Variants in ATP13A5 observed in about 807,000 individuals in gnomAD.
ATP13A5 encodes the protein ATPase 13A5.
ATP13A5 carries 149 observed loss-of-function variants against 150.2 expected under a neutral mutation model. That is an observed-to-expected ratio of 0.99 (90% CI 0.87 to 1.14). The LOEUF is 1.14. Ranked by LOEUF, ATP13A5 falls within the 50% of genes most tolerant of loss-of-function variation. The pLI, the probability that ATP13A5 is intolerant of heterozygous loss-of-function variation, is 0.00. For missense variants in ATP13A5, 1,383 were observed against 1,449.3 expected (o/e 0.95, Z 0.74); for synonymous variants, 497 against 522.2 (o/e 0.95, Z 0.66).
intron 21 of ATP13A5, among the ~76,000 whole-genome samples, chr3:193,307,633 T>C (rs887514405): frequency 2.6e-5 from 4 of 152,204 alleles, no homozygotes; most frequent in African/African-American, 9.6e-5. Context: ...GATTGCACAC[T>C]TTAAAAGAAG....
intron 11 of ATP13A5, among the ~76,000 whole-genome samples, chr3:193,331,610 C>T (rs977977526): frequency 6.6e-6 from 1 of 152,126 alleles, no homozygotes; most frequent in Non-Finnish European, 1.5e-5. Flanking sequence ...AGATACAGAG[C>T]CTAGCATGGG....
At chr3:193,304,792 G>T (rs1473874878) in intron 23 of ATP13A5, among the ~76,000 whole-genome samples, 2 of 152,156 alleles carry the variant, frequency 1.3e-5, no homozygotes, top group African/African-American at 4.8e-5. Flanking sequence ...CTGAGACAGG[G>T]TAATTTGTAA....
intron 12 of ATP13A5, among the ~76,000 whole-genome samples, chr3:193,328,986 C>T (rs1475267197): frequency 6.6e-6 from 1 of 152,178 alleles, no homozygotes; most frequent in Non-Finnish European, 1.5e-5. Context: ...GTGGCTCACG[C>T]CTGTAATCCC....
chr3:193,313,807 G>A, intron 19 of ATP13A5: 1 of 465,090 alleles, frequency 2.2e-6, no homozygotes, highest in Non-Finnish European at 3.8e-6. Flanking sequence ...CTACCCCAGG[G>A]GTTCTGATTT....
rs113072557 is a variant in ATP13A5 at position 193,363,960 on chromosome 3, T to C, written c.237+147A>G. ...ATGGATTGCAGAGGTAATTTTGCCG[T>C]ATTTTCTCCTGTTTTGATCTATGGA... On this transcript the variant is annotated intron_variant, in intron 2 of 29. Coordinates refer to ENST00000342358, the MANE Select transcript of ATP13A5 (RefSeq NM_198505.4). 34 of 864,166 alleles carry C rather than the reference T, an allele frequency of 3.9e-5. No individual in the cohort carries two copies. The Admixed American group carries it at 7.7e-4, about 20-fold the overall frequency. 53.5% of individuals were successfully genotyped at this position (864,166 alleles called of 1,614,324 possible). A position where few individuals can be genotyped will look rare whatever the true frequency, so the allele number is the denominator to read the frequency against.
intron 26 of ATP13A5, among the ~76,000 whole-genome samples, chr3:193,287,951 T>G (rs1285431428): frequency 6.6e-6 from 1 of 152,142 alleles, no homozygotes; most frequent in African/African-American, 2.4e-5. Flanking sequence ...TGATTCAACC[T>G]TCTTGAATGA....
intron 1 of ATP13A5, 105 bp from the exon 2 acceptor site, chr3:193,364,385 G>T: frequency 2.2e-6 from 3 of 1,390,308 alleles, no homozygotes; most frequent in Non-Finnish European, 3.0e-6. Context: ...TTGGCTGGGA[G>T]ACAAATCTGG....
At chr3:193,354,241 T>A (rs1159736334) in intron 5 of ATP13A5, 45 bp from the exon 6 acceptor site, 1 of 1,554,646 alleles carries the variant, frequency 6.4e-7, no homozygotes. Context: ...TACAAGCACA[T>A]GATAAGTGAC....
At chr3:193,376,269 G>T (rs986082122) in intron 1 of ATP13A5, among the ~76,000 whole-genome samples, 1 of 152,188 alleles carries the variant, frequency 6.6e-6, no homozygotes, top group Non-Finnish European at 1.5e-5. Flanking sequence ...AGATCAAGGT[G>T]CTGGCAGATC....
Position 193,354,112 on chromosome 3 carries a change from A to G in ATP13A5, c.606+15T>C. 1 of 1,593,814 alleles carries G rather than the reference A, an allele frequency of 6.3e-7. No individual in the cohort carries two copies. The highest frequency in any genetic ancestry group is 8.5e-7 in the Non-Finnish European group (1 of 1,174,146). On this transcript the variant is annotated intron_variant, in intron 6 of 29. Transcript: ENST00000342358. ...AATCTATTTTTTCAAAAAAAAAAGA[A>G]AAGAAAACAGTTACCTGTTTAACAA... is the stretch of plus-strand genomic sequence containing the variant.
intron 9 of ATP13A5, among the ~76,000 whole-genome samples, chr3:193,339,288 G>A (rs1315106903): frequency 2.6e-5 from 4 of 151,954 alleles, no homozygotes; most frequent in East Asian, 1.9e-4. Flanking sequence ...TTTTGAATGC[G>A]TTTGCTCTTG....
chr3:193,332,848 C>T (rs1487951660), intron 11 of ATP13A5, among the ~76,000 whole-genome samples: 1 of 152,100 alleles, frequency 6.6e-6, no homozygotes, highest in African/African-American at 2.4e-5. Flanking sequence ...AAACCTCATT[C>T]TCAAATACTG....
At chr3:193,347,650 T>A (rs1018560962) in intron 7 of ATP13A5, among the ~76,000 whole-genome samples, 2 of 152,148 alleles carry the variant, frequency 1.3e-5, no homozygotes, top group African/African-American at 2.4e-5. Flanking sequence ...TTCTCAAAAC[T>A]CATTATGCTG....
intron 8 of ATP13A5, 84 bp downstream of exon 8, chr3:193,344,919 T>C (rs1191033192): frequency 7.6e-7 from 1 of 1,309,072 alleles, no homozygotes. Flanking sequence ...AGATTATTTC[T>C]CCTTGACTAA....
intron 7 of ATP13A5, among the ~76,000 whole-genome samples, chr3:193,346,755 A>G (rs998295321): frequency 2.6e-5 from 4 of 152,268 alleles, no homozygotes; most frequent in African/African-American, 9.6e-5. Flanking sequence ...AAAATTTATG[A>G]TATACTTCAG....
chr3:193,331,491 G>A (rs1406254922), intron 11 of ATP13A5, among the ~76,000 whole-genome samples, 180 bp from the exon 12 acceptor site: 1 of 152,010 alleles, frequency 6.6e-6, no homozygotes, highest in Non-Finnish European at 1.5e-5. Context: ...CATTCCCTCT[G>A]CCCAAGCTTG....
Position 193,324,978 on chromosome 3 carries a change from AG to A in ATP13A5, c.1559del (p.Ala520ValfsTer17), listed in dbSNP as rs1173034190. On this transcript the variant is annotated frameshift_variant, in exon 14 of 30. Transcript: ENST00000342358. LOFTEE classifies it high-confidence loss of function. Reference sequence around the variant, plus strand: ...CCGCACACAGTGGGCTCCATGGCACAGCCTGGCCTGAGGCAAAGCTGTGGGC... The same window carrying A: ...CCGCACACAGTGGGCTCCATGGCACACCTGGCCTGAGGCAAAGCTGTGGGC... ...QEAHSFASGQ[A>X]VPWSPLCAAM... 6.2e-7 allele frequency: 1 copy of A among 1,613,898 alleles called. No homozygotes were observed. The highest frequency in any genetic ancestry group is 1.7e-5 in the Admixed American group (1 of 59,994).
At chr3:193,318,830 A>G (rs894234243) in intron 17 of ATP13A5, among the ~76,000 whole-genome samples, 161 bp downstream of exon 17, 4 of 152,204 alleles carry the variant, frequency 2.6e-5, no homozygotes, top group Non-Finnish European at 5.9e-5. Context: ...CATCTCCAGT[A>G]TCACCTACAA....
rs765480765 is a variant in ATP13A5 at position 193,322,491 on chromosome 3, C to T, written c.1758G>A (p.Lys586=). The change falls in exon 15 of 30, where the codon AAG becomes AAA. Residue 586 remains lysine (K), a splice_region_variant and synonymous_variant. Transcript: ENST00000342358. ...TGTGATGTAAAGAAGGAAATCATAC[C>T]TTACTGGCTTTTGGTCCTGGTTTTA... The part of the protein sequence containing the change: ...NIIKPGPKAS[K]SPVEAIITLC... 1 of 1,611,290 alleles carries T rather than the reference C, an allele frequency of 6.2e-7. No individual in the cohort carries two copies. Among genetic ancestry groups the T allele is most frequent in the South Asian group, 1.1e-5 (1 of 90,860 alleles).
Sources: gnomAD v4.1 joint callset for allele counts (sites outside exome capture counted in the v4.1 genomes callset) on GRCh38, gnomAD v4.1.1 for gene constraint, MANE v1.5 for transcripts, NCBI Gene and HGNC (gene_info 2026-07-23, HGNC 2026-07-21) for gene names.